NPR3: variants seen among roughly 807,000 people sequenced by gnomAD.
NPR3 encodes the protein natriuretic peptide receptor 3, also known as atrial natriuretic peptide receptor 3.
Under a neutral mutation model 54.5 loss-of-function variants are expected in NPR3, and 34 were observed. The ratio of observed to expected loss-of-function variants is 0.62; its 90% CI spans 0.47 to 0.83. The LOEUF (loss-of-function observed/expected upper bound fraction) is 0.83, where lower values mean the gene tolerates loss of function less well. Ranked by LOEUF, NPR3 falls within the 40% of genes least tolerant of loss-of-function variation. The pLI, the probability that NPR3 is intolerant of heterozygous loss-of-function variation, is 0.00. For synonymous variants in NPR3, 289 were observed against 297.1 expected (o/e 0.97, Z 0.28); for missense variants, 674 against 720.8 (o/e 0.94, Z 0.74).
At chr5:32,784,919 TCTG>T (rs1742531249) in intron 7 of NPR3, 36 bp downstream of exon 7, 1 of 1,423,054 alleles carries the variant, frequency 7.0e-7, no homozygotes, top group Non-Finnish European at 9.9e-7. Flanking sequence ...TTCACTCTCT[TCTG>T]CTGTCTTTGT....
In NPR3 at chr5:32,711,647, T is replaced by C. The variant is rs1738237439; in HGVS notation, c.-130T>C. 1 of 1,285,762 alleles carries C rather than the reference T, an allele frequency of 7.8e-7. No homozygotes were observed. Among genetic ancestry groups the C allele is most frequent in the African/African-American group, 1.6e-5 (1 of 64,428 alleles). 79.6% of individuals were successfully genotyped at this position (1,285,762 alleles called of 1,614,324 possible). A position where few individuals can be genotyped will look rare whatever the true frequency, so the allele number is the denominator to read the frequency against. ...TTTTGGCGCATTAGTGAAGGGGGTA[T>C]TCTATTTTGTTAAAGCGCCCAAGGG... is the stretch of plus-strand genomic sequence containing the variant. On this transcript the variant is annotated 5_prime_UTR_variant, in exon 1 of 8. Transcript: ENST00000265074.
In NPR3 at chr5:32,786,359, CT is replaced by C. The variant is rs370683701; in HGVS notation, c.*25del. On this transcript the variant is annotated 3_prime_UTR_variant, in exon 8 of 8. Transcript: ENST00000265074. ...TCAGTAGCTTAAAGGAAGCCCCCCA[CT>C]TTTTTTTTTTCTGCCTGAGATTCTT... The C allele has an allele frequency of 5.8e-3, 5,368 of 918,238 alleles. 2 individuals carry two copies. The highest frequency in any genetic ancestry group is 0.018 in the East Asian group (598 of 33,446). 56.9% of individuals were successfully genotyped at this position (918,238 alleles called of 1,614,324 possible). A position where few individuals can be genotyped will look rare whatever the true frequency, so the allele number is the denominator to read the frequency against.
At chr5:32,739,555 A>G (rs16890196) in intron 3 of NPR3, among the ~76,000 whole-genome samples, 29,249 of 152,026 alleles carry the variant, frequency 0.19, 2,880 homozygotes, top group South Asian at 0.26. Flanking sequence ...CTTCCTACTC[A>G]CATATTGTAG....
At chr5:32,719,777 ATGT>A (rs200377715) in intron 1 of NPR3, among the ~76,000 whole-genome samples, 3 of 117,996 alleles carry the variant, frequency 2.5e-5, no homozygotes, top group Non-Finnish European at 3.6e-5. Context: ...TTTACCACCT[ATGT>A]TGTTGTTGTT....
chr5:32,722,472 T>C (rs1738915590), intron 1 of NPR3, among the ~76,000 whole-genome samples: 1 of 152,250 alleles, frequency 6.6e-6, no homozygotes, highest in Non-Finnish European at 1.5e-5. Flanking sequence ...AGATTACCTA[T>C]ACATATCTGA....
At chr5:32,772,184 A>T (rs1741799520) in intron 3 of NPR3, among the ~76,000 whole-genome samples, 1 of 152,194 alleles carries the variant, frequency 6.6e-6, no homozygotes, top group African/African-American at 2.4e-5. Context: ...AATCACTCTG[A>T]CACTTAAGCT....
Position 32,712,023 on chromosome 5 carries a change from G to T in NPR3, c.247G>T (p.Val83Leu), listed in dbSNP as rs1738273040. ...RPAIEYALRS[V>L]EGNGTGRRLL... ...GGCCATCGAGTATGCTCTGCGCAGC[G>T]TGGAGGGCAACGGGACTGGGAGGCG... The change falls in exon 1 of 8, where the codon GTG becomes TTG. Residue 83 changes from valine to leucine, a missense_variant. Coordinates refer to ENST00000265074, the MANE Select transcript of NPR3 (RefSeq NM_001204375.2). 1 of 1,613,632 alleles carries T rather than the reference G, an allele frequency of 6.2e-7. No individual in the cohort carries two copies. The highest frequency in any genetic ancestry group is 2.2e-5 in the East Asian group (1 of 44,878).
At chr5:32,745,245 G>C (rs1002259179) in intron 3 of NPR3, among the ~76,000 whole-genome samples, 1 of 152,142 alleles carries the variant, frequency 6.6e-6, no homozygotes, top group African/African-American at 2.4e-5. Context: ...GGACCATCTG[G>C]AGGTCCCCTG....
chr5:32,754,169 A>G (rs1238046752), intron 3 of NPR3, among the ~76,000 whole-genome samples: 2 of 152,102 alleles, frequency 1.3e-5, no homozygotes, highest in Admixed American at 6.5e-5. Context: ...GCTGCTATCC[A>G]TGTGGGTGGA....
At chr5:32,764,092 C>A (rs541869587) in intron 3 of NPR3, among the ~76,000 whole-genome samples, 1 of 152,302 alleles carries the variant, frequency 6.6e-6, no homozygotes, top group Admixed American at 6.5e-5. Flanking sequence ...CTCTCTTCCG[C>A]ACAGAGGGCA....
chr5:32,764,787 T>A (rs1161412642), intron 3 of NPR3, among the ~76,000 whole-genome samples: 5 of 28,532 alleles, frequency 1.8e-4, no homozygotes, highest in South Asian at 1.2e-3. Context: ...AGGGTCCATC[T>A]CAAAAAAAAA....
intron 3 of NPR3, among the ~76,000 whole-genome samples, chr5:32,751,590 T>A (rs1376051535): frequency 6.6e-6 from 1 of 152,158 alleles, no homozygotes; most frequent in East Asian, 1.9e-4. Flanking sequence ...CCGTAGCTTG[T>A]TTTTTCTCCT....
intron 3 of NPR3, among the ~76,000 whole-genome samples, chr5:32,773,736 A>G (rs978284217): frequency 3.9e-5 from 6 of 152,188 alleles, no homozygotes; most frequent in Admixed American, 3.9e-4. Flanking sequence ...CGAACACAGC[A>G]CAGACTCCAA....
At chr5:32,774,946 G>T in intron 4 of NPR3, 103 bp downstream of exon 4, 2 of 846,690 alleles carry the variant, frequency 2.4e-6, no homozygotes, top group South Asian at 1.5e-5. Flanking sequence ...CCAGCGTCTT[G>T]CTTTTCTCAG....
Position 32,711,527 on chromosome 5 carries a change from C to T in NPR3, c.-250C>T. On this transcript the variant is annotated 5_prime_UTR_variant, in exon 1 of 8. Transcript: ENST00000265074. ...TATATATATATGTATATTACAGACG[C>T]ACAGGTTTACACCCGGTGAACTTTT... 1.7e-6 allele frequency: 2 copies of T among 1,200,318 alleles called. No individual in the cohort carries two copies. The highest frequency in any genetic ancestry group is 3.2e-4 in the Middle Eastern group (1 of 3,104). The allele number at this position is 1,200,318 out of a possible 1,614,324, so 74.4% of individuals were successfully genotyped here.
chr5:32,775,510 G>A (rs1335416196), intron 4 of NPR3, among the ~76,000 whole-genome samples: 2 of 152,148 alleles, frequency 1.3e-5, no homozygotes, highest in Non-Finnish European at 2.9e-5. Flanking sequence ...TGGCCAGGTT[G>A]ATCTCTAACT....
chr5:32,757,275 T>A (rs1554017269), intron 3 of NPR3, among the ~76,000 whole-genome samples: 1 of 152,236 alleles, frequency 6.6e-6, no homozygotes, highest in Non-Finnish European at 1.5e-5. Flanking sequence ...CCTCTTTTAT[T>A]TCATTGAGCA....
At chr5:32,708,014 AAAC>A (rs375617464), upstream of NPR3, among the ~76,000 whole-genome samples, 432 of 128,020 alleles carry the variant, frequency 3.4e-3, 3 homozygotes, top group African/African-American at 0.013. Flanking sequence ...AAAAAAAAAA[AAAC>A]AACCCAAACA....
chr5:32,735,478 CCA>C (rs1491557588), intron 2 of NPR3, among the ~76,000 whole-genome samples: 1 of 112,414 alleles, frequency 8.9e-6, no homozygotes, highest in African/African-American at 3.7e-5. Flanking sequence ...CAGAAAAATA[CCA>C]AAAAAAAAAA....
Sources: allele counts gnomAD v4.1 joint callset (sites outside exome capture counted in the v4.1 genomes callset), GRCh38; gene constraint gnomAD v4.1.1; transcripts MANE v1.5; gene names NCBI Gene and HGNC (gene_info 2026-07-23, HGNC 2026-07-21).